Variants in ARHGAP29 observed in about 807,000 individuals in gnomAD.
The protein encoded by ARHGAP29 is rho GTPase-activating protein 29.
In ARHGAP29, 43 loss-of-function variants were observed where a neutral mutation model predicts 122.6. The ratio of observed to expected loss-of-function variants is 0.35; its 90% CI spans 0.27 to 0.45. ARHGAP29 has a LOEUF of 0.45. Among genes scored for constraint, ARHGAP29 ranks in the 20% least tolerant of loss-of-function variants. ARHGAP29 has a pLI of 1.00. For missense variants in ARHGAP29, 1,303 were observed against 1,477.2 expected (o/e 0.88, Z 1.93); for synonymous variants, 506 against 497.1 (o/e 1.02, Z -0.24).
rs185686245 is a variant in ARHGAP29, at chr1:94,177,419, T to G, written c.2905+193A>C. ...AGATGTCTTATTATAAGAAAGACTT[T>G]TATGAAGAATGACATTCATTTAAAT... On this transcript the variant is annotated intron_variant, in intron 22 of 22. Coordinates refer to ENST00000260526, the MANE Select transcript of ARHGAP29 (RefSeq NM_004815.4). 1.2e-4 allele frequency: 54 copies of G among 435,480 alleles called. No homozygotes were observed. In the East Asian group the frequency reaches 1.8e-3, roughly 14 times the overall value. 27.0% of individuals were successfully genotyped at this position (435,480 alleles called of 1,614,324 possible).
At chr1:94,201,933 G>A in intron 11 of ARHGAP29, 76 bp from the exon 12 acceptor site, 1 of 1,320,914 alleles carries the variant, frequency 7.6e-7, no homozygotes, top group Non-Finnish European at 1.0e-6. Flanking sequence ...GTAAAGCTAA[G>A]TTGAAATAAC....
intron 3 of ARHGAP29, 127 bp from the exon 4 acceptor site, chr1:94,209,477 C>G: frequency 1.9e-6 from 1 of 531,068 alleles, no homozygotes; most frequent in Non-Finnish European, 3.2e-6. Context: ...ATTGAAAAGC[C>G]TAACATACAA....
chr1:94,170,078 T>C lies in ARHGAP29; in HGVS notation c.*3791A>G, dbSNP rs952658392. 1.3e-5 allele frequency among the ~76,000 whole-genome samples: 2 copies of C among 152,200 alleles called. No homozygotes were observed. The highest frequency in any genetic ancestry group is 2.1e-4 in the South Asian group (1 of 4,824). On this transcript the variant is annotated 3_prime_UTR_variant, in exon 23 of 23. Transcript: ENST00000260526. ...AAATAGTAATTGGTTCAGTCAAGAA[T>C]TGTCAATAGACTAGCCCGTGACAAT...
intron 1 of ARHGAP29, among the ~76,000 whole-genome samples, chr1:94,262,656 A>G (rs1161942106): frequency 6.6e-6 from 1 of 152,198 alleles, no homozygotes; most frequent in Non-Finnish European, 1.5e-5. Flanking sequence ...AAAAAGCTTA[A>G]CATCACTGAT....
chr1:94,193,391 A>C (rs1401819806), intron 12 of ARHGAP29: 2 of 152,068 alleles, frequency 1.3e-5, no homozygotes, highest in Admixed American at 6.5e-5. Context: ...AAATTGAAGA[A>C]ACAATAGTTG....
chr1:94,209,224 A>G, intron 4 of ARHGAP29, 30 bp downstream of exon 4: 2 of 1,443,238 alleles, frequency 1.4e-6, no homozygotes, highest in Non-Finnish European at 1.9e-6. Context: ...ACCTAGGACT[A>G]GTTGCTTTAA....
At chr1:94,313,351 C>A in the ARHGAP29 span, among the ~76,000 whole-genome samples, 2 of 152,188 alleles carry the variant, frequency 1.3e-5, no homozygotes, top group Admixed American at 1.3e-4. Flanking sequence ...TCTTTCTCCC[C>A]ACAATCACCC....
the ARHGAP29 span, among the ~76,000 whole-genome samples, chr1:94,286,561 G>A: frequency 6.6e-6 from 1 of 152,052 alleles, no homozygotes; most frequent in Non-Finnish European, 1.5e-5. Context: ...CCAGCTACTC[G>A]AGAGGCTGAA....
upstream of ARHGAP29, among the ~76,000 whole-genome samples, chr1:94,276,074 A>G (rs963618193): frequency 6.6e-6 from 1 of 152,072 alleles, no homozygotes; most frequent in Non-Finnish European, 1.5e-5. Context: ...CCTAGCCAAC[A>G]TGGCAAAACC....
chr1:94,220,772 GATC>G lies in ARHGAP29; in HGVS notation c.206-383_206-381del, dbSNP rs1652246144. Among the ~76,000 whole-genome samples the G allele has an allele frequency of 6.6e-5, 10 of 152,150 alleles. No individual in the cohort carries two copies. In the South Asian group the frequency reaches 1.7e-3, roughly 25 times the overall value. Reference sequence around the variant, plus strand: ...ATCCAGTAACTCTTAGGCATATAAAGATCATCATTTAACCTATACATTTTTAAA... The same window carrying G: ...ATCCAGTAACTCTTAGGCATATAAAGATCATTTAACCTATACATTTTTAAA... On this transcript the variant is annotated intron_variant, in intron 2 of 22. Coordinates refer to ENST00000260526, the MANE Select transcript of ARHGAP29 (RefSeq NM_004815.4).
intron 17 of ARHGAP29, 108 bp downstream of exon 17, chr1:94,185,234 A>G (rs1649721630): frequency 7.6e-7 from 1 of 1,321,530 alleles, no homozygotes; most frequent in Non-Finnish European, 1.0e-6. Context: ...ACTGTAGTAC[A>G]ATTTATTAAA....
chr1:94,194,020 G>A (rs140233157), intron 12 of ARHGAP29: 3 of 152,180 alleles, frequency 2.0e-5, no homozygotes, highest in African/African-American at 2.4e-5. Context: ...GAACTTCTAC[G>A]GTGGTGATGC....
intron 15 of ARHGAP29, among the ~76,000 whole-genome samples, chr1:94,186,837 A>G (rs886095822): frequency 5.9e-5 from 9 of 152,340 alleles, no homozygotes; most frequent in African/African-American, 2.2e-4. Flanking sequence ...ATGTAGTCCA[A>G]TAACACTTTA....
At chr1:94,268,383 T>C (rs1570627024) in intron 1 of ARHGAP29, among the ~76,000 whole-genome samples, 1 of 152,002 alleles carries the variant, frequency 6.6e-6, no homozygotes, top group Admixed American at 6.6e-5. Context: ...ACTTTCACCC[T>C]CCCCTACTCC....
chr1:94,189,495 T>C, intron 13 of ARHGAP29, 143 bp from the exon 14 acceptor site: 1 of 1,018,330 alleles, frequency 9.8e-7, no homozygotes, highest in Non-Finnish European at 1.4e-6. Context: ...ACCACACTCA[T>C]GGTTCAGCTT....
At chr1:94,201,126 CT>C (rs111950686) in intron 12 of ARHGAP29, among the ~76,000 whole-genome samples, 12,915 of 152,150 alleles carry the variant, frequency 0.085, 775 homozygotes, top group African/African-American at 0.16. Context: ...ATTTAATTTA[CT>C]CCAATTCTGA....
At chr1:94,200,873 G>C (rs1028765847) in intron 12 of ARHGAP29, among the ~76,000 whole-genome samples, 2 of 152,202 alleles carry the variant, frequency 1.3e-5, no homozygotes, top group Non-Finnish European at 2.9e-5. Flanking sequence ...CCAGGGGTTA[G>C]GAGTGGGCAG....
chr1:94,174,667 A>G lies in ARHGAP29; in HGVS notation c.2988T>C (p.Ser996=). 6.2e-7 allele frequency: 1 copy of G among 1,614,118 alleles called. No homozygotes were observed. The highest frequency in any genetic ancestry group is 8.5e-7 in the Non-Finnish European group (1 of 1,180,024). Residue 996 remains serine (S), a synonymous_variant, in exon 23 of 23, where the codon TCT becomes TCC. Coordinates refer to ENST00000260526, the MANE Select transcript of ARHGAP29 (RefSeq NM_004815.4). ...TGTTTGTTGACCTATCAGATTTCAGAGAAAGTGGCTTAGGGGTTTTACCAT... is the reference window on the plus strand; with the variant it reads ...TGTTTGTTGACCTATCAGATTTCAGGGAAAGTGGCTTAGGGGTTTTACCAT... ...IEDGKTPKPL[S]LKSDRSTNNV...
intron 5 of ARHGAP29, among the ~76,000 whole-genome samples, chr1:94,207,993 T>G (rs932617345): frequency 6.6e-6 from 1 of 152,092 alleles, no homozygotes. Flanking sequence ...TACAGACTTG[T>G]GCCACCACAT....
Sources: allele counts gnomAD v4.1 joint callset (sites outside exome capture counted in the v4.1 genomes callset), GRCh38; gene constraint gnomAD v4.1.1; transcripts MANE v1.5; gene names NCBI Gene and HGNC (gene_info 2026-07-23, HGNC 2026-07-21).